Variants in ZBTB7C observed in about 807,000 individuals in gnomAD.
ZBTB7C encodes zinc finger and BTB domain containing 7C.
ZBTB7C carries 8 observed loss-of-function variants against 25.7 expected under a neutral mutation model. That is an observed-to-expected ratio of 0.31 (90% CI 0.18 to 0.56). ZBTB7C has a LOEUF of 0.56. ZBTB7C is among the 20% of genes least tolerant of loss of function. The pLI is 0.91. For synonymous variants in ZBTB7C, 394 were observed against 369.0 expected, an observed-to-expected ratio of 1.07 and a Z score of -0.78; for missense variants, 824 against 855.2, an observed-to-expected ratio of 0.96 and a Z score of 0.46.
At position 48,030,514 on chromosome 18, in the gene ZBTB7C, G is replaced by A. The variant is rs562281417; in HGVS notation, c.1209-603C>T. On this transcript the variant is annotated intron_variant, in intron 4 of 4. Transcript: ENST00000590800. ...TCCTAAGCCTTGGGCTCTCCTCTTT[G>A]TCTGTAGACAATTTCAGGGTTTACA... 1.4e-4 allele frequency among the ~76,000 whole-genome samples: 21 copies of A among 152,310 alleles called. 1 individual carries two copies. The East Asian group carries it at 4.0e-3, about 29-fold the overall frequency.
At chr18:48,161,403 G>A (rs886636596) in intron 3 of ZBTB7C, among the ~76,000 whole-genome samples, 1 of 152,048 alleles carries the variant, frequency 6.6e-6, no homozygotes, top group African/African-American at 2.4e-5. Flanking sequence ...GTGGGGCCGG[G>A]ATGAGAGGAA....
chr18:48,151,912 T>A (rs532501014), intron 3 of ZBTB7C, among the ~76,000 whole-genome samples: 1 of 152,218 alleles, frequency 6.6e-6, no homozygotes, highest in African/African-American at 2.4e-5. Context: ...GATGTAGATA[T>A]GCGGGTGGGG....
At chr18:48,392,311 CTCTT>C (rs1341633822) in intron 1 of ZBTB7C, among the ~76,000 whole-genome samples, 1 of 152,160 alleles carries the variant, frequency 6.6e-6, no homozygotes, top group African/African-American at 2.4e-5. Flanking sequence ...AGATGAAATG[CTCTT>C]TTTTTGTCCC....
intron 3 of ZBTB7C, chr18:48,165,196 A>G (rs2041200822): frequency 1.7e-6 from 2 of 1,189,522 alleles, no homozygotes; most frequent in Non-Finnish European, 2.2e-6. Flanking sequence ...GTCCAAGGTC[A>G]CAAAGCAATT....
chr18:48,410,736 G>GGTA (rs2048376702), upstream of ZBTB7C: 1 of 152,274 alleles, frequency 6.6e-6, no homozygotes, highest in Admixed American at 6.5e-5. Flanking sequence ...CGCCCTCCTT[G>GGTA]GTAGTACATC....
chr18:48,400,748 A>G (rs2048139326), intron 1 of ZBTB7C, among the ~76,000 whole-genome samples: 1 of 152,226 alleles, frequency 6.6e-6, no homozygotes, highest in African/African-American at 2.4e-5. Context: ...TATATGATTG[A>G]AGTTAATTTT....
At chr18:48,183,975 A>G (rs2041993271) in intron 3 of ZBTB7C, among the ~76,000 whole-genome samples, 2 of 152,076 alleles carry the variant, frequency 1.3e-5, no homozygotes, top group South Asian at 2.1e-4. Context: ...CTCCCTGGAT[A>G]CATCACATCC....
At chr18:48,169,560 G>T (rs113493871) in intron 3 of ZBTB7C, among the ~76,000 whole-genome samples, 1 of 152,170 alleles carries the variant, frequency 6.6e-6, no homozygotes, top group Non-Finnish European at 1.5e-5. Flanking sequence ...GGGTCAGAAA[G>T]GTGAAGTGTC....
chr18:48,386,211 A>G (rs77557754), intron 1 of ZBTB7C, among the ~76,000 whole-genome samples: 4,687 of 152,284 alleles, frequency 0.031, 97 homozygotes, highest in Middle Eastern at 0.061. Context: ...ACTCAGGACA[A>G]TCTGCCCTCT....
chr18:48,406,865 A>C (rs2048294432), intron 1 of ZBTB7C, among the ~76,000 whole-genome samples: 1 of 152,242 alleles, frequency 6.6e-6, no homozygotes, highest in Admixed American at 6.5e-5. Flanking sequence ...GCATCGCCCT[A>C]GAGTATTATG....
chr18:48,282,163 G>A (rs1236240636), intron 2 of ZBTB7C, among the ~76,000 whole-genome samples: 2 of 150,710 alleles, frequency 1.3e-5, no homozygotes, highest in African/African-American at 2.5e-5. Context: ...CCTCTGTAGG[G>A]ACATGGATGA....
chr18:48,107,120 A>G (rs2039059163), intron 3 of ZBTB7C, among the ~76,000 whole-genome samples: 1 of 137,682 alleles, frequency 7.3e-6, no homozygotes, highest in Admixed American at 7.5e-5. Flanking sequence ...AGGGGAAGAG[A>G]GAGGGGAGGT....
At chr18:48,041,878 A>ATTGT (rs141890400) in intron 3 of ZBTB7C, among the ~76,000 whole-genome samples, 13,321 of 152,216 alleles carry the variant, frequency 0.088, 1,470 homozygotes, top group African/African-American at 0.26. Context: ...ATTCAAGTAC[A>ATTGT]TTGTTAGTTA....
chr18:48,229,155 G>C (rs1264550950), intron 2 of ZBTB7C, among the ~76,000 whole-genome samples: 1 of 152,104 alleles, frequency 6.6e-6, no homozygotes, highest in East Asian at 1.9e-4. Context: ...CGCCCAGGCA[G>C]CTTGCCCCAG....
At chr18:48,250,298 C>A (rs2043811042) in intron 2 of ZBTB7C, among the ~76,000 whole-genome samples, 1 of 152,160 alleles carries the variant, frequency 6.6e-6, no homozygotes, top group Non-Finnish European at 1.5e-5. Flanking sequence ...CTTGTGATAC[C>A]TTCCTGATCT....
chr18:48,181,988 A>T (rs1341810276), intron 3 of ZBTB7C, among the ~76,000 whole-genome samples: 1 of 152,238 alleles, frequency 6.6e-6, no homozygotes, highest in East Asian at 1.9e-4. Context: ...AATCCAAACC[A>T]GGCCAGGAGC....
At chr18:48,183,184 C>T (rs1483766358) in intron 3 of ZBTB7C, among the ~76,000 whole-genome samples, 1 of 152,160 alleles carries the variant, frequency 6.6e-6, no homozygotes, top group African/African-American at 2.4e-5. Context: ...CCTATTTCGG[C>T]TCAATCCCTT....
At chr18:48,108,862 A>G (rs569352814) in intron 3 of ZBTB7C, among the ~76,000 whole-genome samples, 5 of 151,996 alleles carry the variant, frequency 3.3e-5, no homozygotes, top group African/African-American at 1.2e-4. Context: ...TTATCTTCTC[A>G]ATGATTGGGA....
At chr18:48,213,624 A>G (rs1287920316) in intron 2 of ZBTB7C, among the ~76,000 whole-genome samples, 1 of 152,256 alleles carries the variant, frequency 6.6e-6, no homozygotes, top group Non-Finnish European at 1.5e-5. Flanking sequence ...CTGAAAAGAA[A>G]GCAGCTACAT....
Sources: allele counts gnomAD v4.1 joint callset (sites outside exome capture counted in the v4.1 genomes callset), GRCh38; gene constraint gnomAD v4.1.1; transcripts MANE v1.5; gene names NCBI Gene and HGNC (gene_info 2026-07-23, HGNC 2026-07-21).